Variants in RAPGEF6 observed in about 807,000 individuals in gnomAD.
RAPGEF6 encodes the protein Rap guanine nucleotide exchange factor 6.
In RAPGEF6, 56 loss-of-function variants were observed where a neutral mutation model predicts 171.4. That is an observed-to-expected ratio of 0.33 (90% confidence interval 0.26 to 0.41). The LOEUF (loss-of-function observed/expected upper bound fraction) is 0.41. RAPGEF6 is among the 10% of genes least tolerant of loss of function. The pLI, the probability that RAPGEF6 is intolerant of heterozygous loss-of-function variation, is 1.00. For synonymous variants in RAPGEF6, 692 were observed against 650.1 expected (o/e 1.06, Z -0.98); for missense variants, 1,674 against 1,921.4 (o/e 0.87, Z 2.41).
At chr5:131,430,531 G>A (rs945294471) in intron 26 of RAPGEF6, among the ~76,000 whole-genome samples, 2 of 152,172 alleles carry the variant, frequency 1.3e-5, no homozygotes, top group African/African-American at 4.8e-5. Flanking sequence ...AGGTGATAAA[G>A]AGAATAATCC....
intron 14 of RAPGEF6, among the ~76,000 whole-genome samples, chr5:131,491,918 T>A (rs1268791269): frequency 6.6e-6 from 1 of 152,178 alleles, no homozygotes; most frequent in Non-Finnish European, 1.5e-5. Flanking sequence ...ACATCATTGC[T>A]TAAGAATGTG....
chr5:131,480,191 T>C (rs921708266), intron 15 of RAPGEF6, among the ~76,000 whole-genome samples: 1 of 152,212 alleles, frequency 6.6e-6, no homozygotes, highest in African/African-American at 2.4e-5. Context: ...CCATTTATAC[T>C]TGAATTTTTT....
Position 131,427,230 on chromosome 5 carries a change from C to G in RAPGEF6, c.*36G>C, listed in dbSNP as rs189983775. Reference sequence around the variant, plus strand: ...GAGGTGGTTCTTGCCCATTCCTCCACGACTTTCAGTGGTTTTCAAATAGGT... The same window carrying G: ...GAGGTGGTTCTTGCCCATTCCTCCAGGACTTTCAGTGGTTTTCAAATAGGT... On this transcript the variant is annotated 3_prime_UTR_variant, in exon 28 of 28. Coordinates refer to ENST00000509018, the MANE Select transcript of RAPGEF6 (RefSeq NM_016340.6). The G allele has an allele frequency of 2.7e-4, 437 of 1,594,080 alleles. 1 individual carries two copies. The African/African-American group carries it at 4.6e-3, about 17-fold the overall frequency.
At chr5:131,561,333 T>C (rs948218510) in intron 5 of RAPGEF6, among the ~76,000 whole-genome samples, 3 of 152,256 alleles carry the variant, frequency 2.0e-5, no homozygotes, top group Non-Finnish European at 4.4e-5. Flanking sequence ...ATTCAAAGTT[T>C]ATTGAAAAAG....
intron 21 of RAPGEF6, among the ~76,000 whole-genome samples, chr5:131,451,340 T>G (rs1753054825): frequency 6.6e-6 from 1 of 151,880 alleles, no homozygotes; most frequent in Admixed American, 6.6e-5. Flanking sequence ...TCCCAGCACT[T>G]TGGCAGGCTG....
chr5:131,452,015 G>A (rs905674300), intron 21 of RAPGEF6, among the ~76,000 whole-genome samples: 1 of 152,096 alleles, frequency 6.6e-6, no homozygotes, highest in Non-Finnish European at 1.5e-5. Context: ...GGCGGATCAC[G>A]AGGTCAGGAG....
chr5:131,495,195 A>AGG (rs1756554576), intron 13 of RAPGEF6, among the ~76,000 whole-genome samples: 1 of 152,018 alleles, frequency 6.6e-6, no homozygotes, highest in Non-Finnish European at 1.5e-5. Flanking sequence ...CAGGAGGTTG[A>AGG]GGTAGGAGAG....
At chr5:131,510,923 G>A (rs1329458983) in intron 7 of RAPGEF6, among the ~76,000 whole-genome samples, 1 of 152,180 alleles carries the variant, frequency 6.6e-6, no homozygotes, top group Non-Finnish European at 1.5e-5. Context: ...TCATCACAGA[G>A]ACTTAGGCTT....
Position 131,431,085 on chromosome 5 carries a change from A to T in RAPGEF6, c.4239T>A (p.Cys1413Ter). ...CACAAGTTCTAGAGCAGCTTTTAGA[A>T]CAGGAATAGGGCTCAGAGTCAGTGG... ...VEPTDSEPYSCSKSCSRTCGQ... is the reference protein window; with the variant it reads ...VEPTDSEPYS The change falls in exon 26 of 28, where the codon TGT (cysteine) becomes TGA (stop). Residue 1413 changes from cysteine (C) to a stop codon, truncating the protein, a stop_gained. Transcript: ENST00000509018. LOFTEE classifies it high-confidence loss of function. 1 of 1,614,194 alleles carries T rather than the reference A, an allele frequency of 6.2e-7. No homozygotes were observed. Among genetic ancestry groups the T allele is most frequent in the Non-Finnish European group, 8.5e-7 (1 of 1,180,034 alleles).
chr5:131,575,365 A>G lies in RAPGEF6; in HGVS notation c.282-13318T>C, dbSNP rs538847992. ...AGCCCCTCTTACGAATCTTCCCAAC[A>G]GGACATCCTCCTGCTCCTTCAACAT... On this transcript the variant is annotated intron_variant, in intron 4 of 27. Coordinates refer to ENST00000509018, the MANE Select transcript of RAPGEF6 (RefSeq NM_016340.6). Among the ~76,000 whole-genome samples, 4 of 152,282 alleles carry G rather than the reference A, an allele frequency of 2.6e-5. No individual in the cohort carries two copies. In the East Asian group the frequency reaches 7.7e-4, roughly 29 times the overall value.
At chr5:131,432,054 G>T (rs1194170370) in intron 25 of RAPGEF6, among the ~76,000 whole-genome samples, 1 of 151,862 alleles carries the variant, frequency 6.6e-6, no homozygotes, top group African/African-American at 2.4e-5. Context: ...AAAGCTCATG[G>T]GCCAAATTTA....
In RAPGEF6 at chr5:131,461,965, C is replaced by T. The variant is rs1252184678; in HGVS notation, c.2604G>A (p.Leu868=). 4 of 1,614,030 alleles carry T rather than the reference C, an allele frequency of 2.5e-6. No individual in the cohort carries two copies. The African/African-American group carries it at 5.3e-5, about 22-fold the overall frequency. The change falls in exon 19 of 28, where the codon CTG becomes CTA. Residue 868 remains leucine (L), a synonymous_variant. Transcript: ENST00000509018. ...QLSTIEVATQ[L]SMRDFDLFRN... is the part of the protein sequence containing the mutation. ...GAAACAAATCAAAGTCCCTCATTGA[C>T]AGCTGGGTGGCCACCTCAATGGTAC... is the stretch of plus-strand genomic sequence containing the variant.
chr5:131,558,645 T>C (rs1312238299), intron 5 of RAPGEF6, among the ~76,000 whole-genome samples: 1 of 152,228 alleles, frequency 6.6e-6, no homozygotes, highest in Non-Finnish European at 1.5e-5. Flanking sequence ...TCTACACATT[T>C]TAATAGGTCA....
chr5:131,523,398 T>C (rs1009769696), intron 6 of RAPGEF6, among the ~76,000 whole-genome samples: 1 of 151,254 alleles, frequency 6.6e-6, no homozygotes, highest in African/African-American at 2.4e-5. Flanking sequence ...GTTAGTGATC[T>C]ATCATATATA....
intron 7 of RAPGEF6, among the ~76,000 whole-genome samples, chr5:131,519,325 C>A (rs1007640910): frequency 6.6e-6 from 1 of 152,178 alleles, no homozygotes; most frequent in African/African-American, 2.4e-5. Flanking sequence ...TCCAAGTGAC[C>A]TTGAATCTTA....
chr5:131,538,606 G>A lies in RAPGEF6; in HGVS notation c.495+9441C>T, dbSNP rs189657572. On this transcript the variant is annotated intron_variant, in intron 6 of 27. Coordinates refer to ENST00000509018, the MANE Select transcript of RAPGEF6 (RefSeq NM_016340.6). The stretch of plus-strand genomic sequence containing the variant: ...TTATAAAAGGGACTCGAACATCCTC[G>A]AATTTTAGTATCTGCAGGGGGTCCT... Among the ~76,000 whole-genome samples, 8 of 152,166 alleles carry A rather than the reference G, an allele frequency of 5.3e-5. 1 individual carries two copies. Among genetic ancestry groups the A allele is most frequent in the Admixed American group, 5.2e-4 (8 of 15,278 alleles).
At chr5:131,539,475 T>G (rs1561546366) in intron 6 of RAPGEF6, among the ~76,000 whole-genome samples, 1 of 152,200 alleles carries the variant, frequency 6.6e-6, no homozygotes, top group Non-Finnish European at 1.5e-5. Flanking sequence ...TGAAGAGAAC[T>G]AAGCAATCAC....
intron 4 of RAPGEF6, among the ~76,000 whole-genome samples, chr5:131,566,511 T>C (rs1030494227): frequency 3.3e-4 from 51 of 152,354 alleles, no homozygotes; most frequent in Non-Finnish European, 6.5e-4. Flanking sequence ...TCCGCATGTA[T>C]ATTCATGAGG....
intron 3 of RAPGEF6, among the ~76,000 whole-genome samples, chr5:131,595,836 C>A: frequency 2.5e-5 from 1 of 39,806 alleles, no homozygotes; most frequent in Non-Finnish European, 6.1e-5. Context: ...ACTCACCTCA[C>A]TGTTAAAGAC....
Sources: gnomAD v4.1 joint callset for allele counts (sites outside exome capture counted in the v4.1 genomes callset) on GRCh38, gnomAD v4.1.1 for gene constraint, MANE v1.5 for transcripts, NCBI Gene and HGNC (gene_info 2026-07-23, HGNC 2026-07-21) for gene names.